ZNF608: variants seen among roughly 807,000 people sequenced by gnomAD.
ZNF608 encodes zinc finger protein 608.
In ZNF608, 12 loss-of-function variants were observed where a neutral mutation model predicts 109.0. The ratio of observed to expected loss-of-function variants is 0.11; its 90% CI spans 0.07 to 0.18. ZNF608 has a LOEUF of 0.18. Among genes scored for constraint, ZNF608 ranks in the 10% least tolerant of loss-of-function variants. The probability of loss-of-function intolerance (pLI) is 1.00; values close to 1 mark genes in which losing one functional copy is unlikely to be tolerated. For synonymous variants in ZNF608, 732 were observed against 717.4 expected, an observed-to-expected ratio of 1.02 and a Z score of -0.33; for missense variants, 1,707 against 1,879.3, an observed-to-expected ratio of 0.91 and a Z score of 1.70.
At chr5:124,746,123 C>T in intron 1 of ZNF608, 72 bp downstream of exon 1, 1 of 985,048 alleles carries the variant, frequency 1.0e-6, no homozygotes, top group Middle Eastern at 5.2e-4. Context: ...CCCTTTTTAA[C>T]AGTTGATTGT....
rs749113961 is a variant in ZNF608 at position 124,648,783 on chromosome 5, G to A, written c.1601C>T (p.Pro534Leu). ...RTNSRSTPTT[P>L]QGKPETTFLD... ...AAAAGTAGTCTCTGGTTTCCCTTGA[G>A]GGGTAGTGGGAGTGCTTCTGGAATT... Residue 534 changes from proline to leucine, a missense_variant, in exon 5 of 10, where the codon CCT (proline) becomes CTT (leucine). Around this residue, in one of 7 missense-constraint regions of ZNF608, gnomAD observed 166 missense variants for 204.2 expected, o/e 0.81. Coordinates refer to ENST00000513986, the MANE Select transcript of ZNF608 (RefSeq NM_020747.3). 1 of 1,614,240 alleles carries A rather than the reference G, an allele frequency of 6.2e-7. No individual in the cohort carries two copies. The highest frequency in any genetic ancestry group is 2.2e-5 in the East Asian group (1 of 44,876).
intron 2 of ZNF608, among the ~76,000 whole-genome samples, chr5:124,711,468 C>T (rs888479958): frequency 6.6e-6 from 1 of 152,188 alleles, no homozygotes; most frequent in African/African-American, 2.4e-5. Context: ...AGGGTAGATG[C>T]TTGAAGACTA....
intron 2 of ZNF608, chr5:124,707,689 CGACCACTGCTGCA>C (rs1184116199): frequency 1.3e-5 from 2 of 152,024 alleles, no homozygotes; most frequent in Admixed American, 1.3e-4. Flanking sequence ...TCTTTAGAGG[CGACCACTGCTGCA>C]GTCTCTTACT....
intron 3 of ZNF608, among the ~76,000 whole-genome samples, chr5:124,686,203 A>G (rs77782542): frequency 0.14 from 20,656 of 152,238 alleles, 1,555 homozygotes; most frequent in Non-Finnish European, 0.17. Flanking sequence ...AGCTCACTCT[A>G]TTCTGCTTCT....
rs543750617 is a variant in ZNF608, at chr5:124,649,790, G to A, written c.1163-93C>T. ...TTATTTTTTTCTCTTTTTTTTGCCAGCAAGTTCTATTCTCATTTGCTTTTA... is the reference window on the plus strand; with the variant it reads ...TTATTTTTTTCTCTTTTTTTTGCCAACAAGTTCTATTCTCATTTGCTTTTA... On this transcript the variant is annotated intron_variant, in intron 3 of 9. Transcript: ENST00000513986. 2.4e-4 allele frequency: 180 copies of A among 752,546 alleles called. 4 individuals are homozygous for A. In the South Asian group the frequency reaches 4.0e-3, roughly 17 times the overall value. The allele number at this position is 752,546 out of a possible 1,614,324, so 46.6% of individuals were successfully genotyped here. A position where few individuals can be genotyped will look rare whatever the true frequency, so the allele number is the denominator to read the frequency against.
intron 2 of ZNF608, among the ~76,000 whole-genome samples, chr5:124,715,079 T>C (rs1753639148): frequency 6.6e-6 from 1 of 152,186 alleles, no homozygotes; most frequent in Non-Finnish European, 1.5e-5. Context: ...ATAGGGGTAC[T>C]TCAAGAATCA....
intron 7 of ZNF608, among the ~76,000 whole-genome samples, chr5:124,642,208 T>G (rs1750273791): frequency 6.6e-6 from 1 of 152,232 alleles, no homozygotes; most frequent in Non-Finnish European, 1.5e-5. Flanking sequence ...AGCACCATCC[T>G]ATTTTTGTTT....
At chr5:124,687,342 G>C (rs1441128158) in intron 3 of ZNF608, among the ~76,000 whole-genome samples, 1 of 152,186 alleles carries the variant, frequency 6.6e-6, no homozygotes, top group Non-Finnish European at 1.5e-5. Context: ...AGGCAAAAGT[G>C]TTTAATTGTT....
At position 124,646,694 on chromosome 5, in the gene ZNF608, G is replaced by A; in HGVS notation, c.3690C>T (p.Thr1230=). The A allele has an allele frequency of 3.7e-6, 6 of 1,610,596 alleles. No homozygotes were observed. The highest frequency in any genetic ancestry group is 5.1e-6 in the Non-Finnish European group (6 of 1,177,278). Residue 1230 remains threonine (T), a synonymous_variant, in exon 5 of 10, where the codon ACC becomes ACT. Transcript: ENST00000513986. ...ACAATCTTACTTGTTTAAATCTCGA[G>A]GTTGGGTCTACACCTGTCTGCTTCA... The part of the protein sequence containing the change: ...DSMKQTGVDP[T]SRFKQDPDSR...
intron 7 of ZNF608, among the ~76,000 whole-genome samples, chr5:124,642,738 G>A (rs950635054): frequency 7.3e-5 from 9 of 123,716 alleles, no homozygotes; most frequent in South Asian, 5.3e-4. Context: ...TTGCTCTGTC[G>A]CCCACGCTAG....
intron 2 of ZNF608, 82 bp from the exon 3 acceptor site, chr5:124,701,351 A>G: frequency 1.3e-6 from 2 of 1,495,534 alleles, no homozygotes; most frequent in Non-Finnish European, 1.8e-6. Flanking sequence ...CACTTCTAGA[A>G]TATATCACCA....
chr5:124,735,387 C>T (rs1389094283), intron 2 of ZNF608, among the ~76,000 whole-genome samples: 1 of 152,214 alleles, frequency 6.6e-6, no homozygotes, highest in African/African-American at 2.4e-5. Context: ...CCCCCGCCGC[C>T]CCGTCGGGAA....
chr5:124,746,407 T>TA lies in ZNF608; in HGVS notation c.-397dup, dbSNP rs1303814904. The TA allele has an allele frequency of 1.2e-4, 121 of 984,962 alleles. 1 individual carries two copies. The highest frequency in any genetic ancestry group is 8.5e-4 in the South Asian group (18 of 21,272). 61.0% of individuals were successfully genotyped at this position (984,962 alleles called of 1,614,324 possible). ...GCAAACGAATCAGTCCTTTTCTCCTTAAAAAAAATGTGTCACTGTACAGCT... is the reference window on the plus strand; with the variant it reads ...GCAAACGAATCAGTCCTTTTCTCCTTAAAAAAAAATGTGTCACTGTACAGCT... On this transcript the variant is annotated 5_prime_UTR_variant, in exon 1 of 10. Coordinates refer to ENST00000513986, the MANE Select transcript of ZNF608 (RefSeq NM_020747.3).
chr5:124,644,262 G>T lies in ZNF608; in HGVS notation c.4105C>A (p.Leu1369Ile). Reference protein sequence around the residue: ...HPAYRAVSPVLMHSYPGAYLS... With the variant: ...HPAYRAVSPVIMHSYPGAYLS... ...CACGTACCAGGATAACTGTGCATTA[G>T]GACGGGAGAAACAGCCCGGTATGCA... The change falls in exon 6 of 10, where the codon CTA (leucine) becomes ATA (isoleucine). Residue 1369 changes from leucine to isoleucine, a missense_variant. Physicochemically the swap from Leu to Ile is conservative, Grantham distance 5. Around this residue, in one of 7 missense-constraint regions of ZNF608, gnomAD observed 1,073 missense variants for 1,133.5 expected, o/e 0.95. Coordinates refer to ENST00000513986, the MANE Select transcript of ZNF608 (RefSeq NM_020747.3). 6.2e-7 allele frequency: 1 copy of T among 1,610,386 alleles called. No individual in the cohort carries two copies.
rs183260314 is a variant in ZNF608 at position 124,662,342 on chromosome 5, T to C, written c.1163-12645A>G. 4.6e-5 allele frequency among the ~76,000 whole-genome samples: 7 copies of C among 152,364 alleles called. No homozygotes were observed. In the East Asian group the frequency reaches 1.4e-3, roughly 29 times the overall value. On this transcript the variant is annotated intron_variant, in intron 3 of 9. Coordinates refer to ENST00000513986, the MANE Select transcript of ZNF608 (RefSeq NM_020747.3). ...TTCCGTATAAATTATTGACTGCACTTTGGCCTCATCTGAAACATTAGCCCC... is the reference window on the plus strand; with the variant it reads ...TTCCGTATAAATTATTGACTGCACTCTGGCCTCATCTGAAACATTAGCCCC...
At chr5:124,654,309 C>T (rs113410181) in intron 3 of ZNF608, among the ~76,000 whole-genome samples, 12 of 152,198 alleles carry the variant, frequency 7.9e-5, no homozygotes, top group African/African-American at 2.2e-4. Context: ...GTGTGACCCA[C>T]CACACCCAGC....
At chr5:124,660,175 T>C (rs565118957) in intron 3 of ZNF608, among the ~76,000 whole-genome samples, 1 of 117,658 alleles carries the variant, frequency 8.5e-6, no homozygotes, top group South Asian at 2.9e-4. Context: ...CTTAACTCTG[T>C]GTGTGTGTGT....
At chr5:124,693,972 A>ATGTTTTTTTTTT (rs1561564262) in intron 3 of ZNF608, among the ~76,000 whole-genome samples, 1 of 23,300 alleles carries the variant, frequency 4.3e-5, no homozygotes, top group African/African-American at 2.3e-4. Context: ...CATTTCATTA[A>ATGTTTTTTTTTT]TCTTTTTTTT....
Position 124,648,600 on chromosome 5 carries a change from A to T in ZNF608, c.1784T>A (p.Ile595Asn). Residue 595 changes from isoleucine to asparagine, a missense_variant, in exon 5 of 10, where the codon ATC becomes AAC. By Grantham distance (149) the Ile-to-Asn change is moderately radical. This residue lies in a region of ZNF608 where 1,073 missense variants were observed against 1,133.5 expected (regional missense o/e 0.95). Transcript: ENST00000513986. ...ACTCAATCCTTCCTCACAGTCCGAG[A>T]TCTTGTCCTCACTGTCAGGCTCGAA... ...LEFEPDSEDK[I>N]SDCEEGLSNV... 2 of 1,614,158 alleles carry T rather than the reference A, an allele frequency of 1.2e-6. No homozygotes were observed. The highest frequency in any genetic ancestry group is 1.7e-5 in the Admixed American group (1 of 60,024).
Sources: gnomAD v4.1 joint callset for allele counts (sites outside exome capture counted in the v4.1 genomes callset) on GRCh38, gnomAD v4.1.1 for gene constraint, gnomAD v4.1.1 regional missense constraint, MANE v1.5 for transcripts, NCBI Gene and HGNC (gene_info 2026-07-23, HGNC 2026-07-21) for gene names.